MAP4K3: variants seen among roughly 807,000 people sequenced by gnomAD.
The protein encoded by MAP4K3 is mitogen-activated protein kinase kinase kinase kinase 3, also known as MAPK/ERK kinase kinase kinase 3.
In MAP4K3, 94 loss-of-function variants were observed where a neutral mutation model predicts 143.5. The observed-to-expected ratio is 0.65, with a 90% CI of 0.55 to 0.78. The LOEUF (loss-of-function observed/expected upper bound fraction) is 0.78. Among genes scored for constraint, MAP4K3 ranks in the 30% least tolerant of loss-of-function variants. MAP4K3 has a pLI of 0.00. For synonymous variants in MAP4K3, 416 were observed against 347.2 expected (o/e 1.20, Z -2.20); for missense variants, 1,077 against 1,068.1 (o/e 1.01, Z -0.12).
intron 1 of MAP4K3, among the ~76,000 whole-genome samples, chr2:39,423,610 A>G (rs1341600990): frequency 6.6e-6 from 1 of 152,248 alleles, no homozygotes; most frequent in Non-Finnish European, 1.5e-5. Flanking sequence ...ATTGAGCCAC[A>G]AAAAGTTATG....
chr2:39,301,795 C>A (rs148535793), intron 15 of MAP4K3, among the ~76,000 whole-genome samples: 41 of 152,208 alleles, frequency 2.7e-4, no homozygotes, highest in Middle Eastern at 6.8e-3. Context: ...AGGGCCGAGG[C>A]GGGCGGATCA....
chr2:39,257,526 C>A (rs554308779), intron 31 of MAP4K3, among the ~76,000 whole-genome samples: 6 of 152,074 alleles, frequency 3.9e-5, no homozygotes, highest in Non-Finnish European at 8.8e-5. Context: ...CAAGGCCAGG[C>A]GCGGTGGCTC....
intron 31 of MAP4K3, among the ~76,000 whole-genome samples, chr2:39,255,583 T>A (rs1425549989): frequency 6.6e-6 from 1 of 152,248 alleles, no homozygotes; most frequent in Non-Finnish European, 1.5e-5. Flanking sequence ...CACACTACCT[T>A]AATCACTATG....
intron 16 of MAP4K3, among the ~76,000 whole-genome samples, chr2:39,296,095 T>C (rs1432807778): frequency 2.6e-5 from 4 of 152,170 alleles, no homozygotes; most frequent in Non-Finnish European, 5.9e-5. Flanking sequence ...AATAAGTGAA[T>C]ATGAAAAAGC....
chr2:39,416,000 TATATAA>T (rs1427589117), intron 1 of MAP4K3, among the ~76,000 whole-genome samples: 27 of 92,510 alleles, frequency 2.9e-4, no homozygotes, highest in African/African-American at 1.0e-3. Flanking sequence ...TATATATATA[TATATAA>T]AAATAACATT....
chr2:39,299,900 C>A, intron 15 of MAP4K3, 99 bp from the exon 16 acceptor site: 1 of 440,576 alleles, frequency 2.3e-6, no homozygotes, highest in South Asian at 9.5e-5. Context: ...AGATAAGTCC[C>A]AGACCCCCAA....
At chr2:39,283,469 G>C (rs1681627005) in intron 21 of MAP4K3, among the ~76,000 whole-genome samples, 1 of 151,786 alleles carries the variant, frequency 6.6e-6, no homozygotes, top group African/African-American at 2.4e-5. Context: ...TTTTAACTGA[G>C]TTATCTTTTT....
At chr2:39,267,754 G>A (rs1680826174) in intron 26 of MAP4K3, among the ~76,000 whole-genome samples, 1 of 151,110 alleles carries the variant, frequency 6.6e-6, no homozygotes, top group Non-Finnish European at 1.5e-5. Context: ...ATGGGTTAAG[G>A]GTTTAAATAT....
At chr2:39,280,893 T>A (rs1681490683) in intron 22 of MAP4K3, among the ~76,000 whole-genome samples, 1 of 152,188 alleles carries the variant, frequency 6.6e-6, no homozygotes, top group African/African-American at 2.4e-5. Context: ...GCAATCTGAT[T>A]ATTTCCCTGG....
Position 39,268,743 on chromosome 2 carries a change from G to A in MAP4K3, c.1974-1496C>T, listed in dbSNP as rs57103739. 1.8e-3 allele frequency among the ~76,000 whole-genome samples: 246 copies of A among 136,060 alleles called. 6 individuals are homozygous for A. In the East Asian group the frequency reaches 0.028, roughly 15 times the overall value. The allele number at this position is 136,060 out of a possible 152,430, so 89.3% of individuals were successfully genotyped here. On this transcript the variant is annotated intron_variant, in intron 26 of 33. Coordinates refer to ENST00000263881, the MANE Select transcript of MAP4K3 (RefSeq NM_003618.4). Reference sequence around the variant, plus strand: ...CAACCTCTGCCTCCCAGGTTCAAGTGATTCTCCTGCCTCAGCTTCTCAAAT... The same window carrying A: ...CAACCTCTGCCTCCCAGGTTCAAGTAATTCTCCTGCCTCAGCTTCTCAAAT...
At chr2:39,367,479 G>A (rs1176806333) in intron 2 of MAP4K3, among the ~76,000 whole-genome samples, 1 of 152,158 alleles carries the variant, frequency 6.6e-6, no homozygotes, top group Middle Eastern at 3.4e-3. Context: ...GGTTGAGGCT[G>A]CAGTGAGCTG....
At chr2:39,343,480 T>C (rs780122249) in intron 3 of MAP4K3, 28 bp from the exon 4 acceptor site, 4 of 1,592,326 alleles carry the variant, frequency 2.5e-6, no homozygotes, top group Non-Finnish European at 3.4e-6. Context: ...GCATGTATCA[T>C]ATTTTCATGA....
chr2:39,362,982 G>A (rs1390254317), intron 2 of MAP4K3, among the ~76,000 whole-genome samples: 1 of 152,110 alleles, frequency 6.6e-6, no homozygotes, highest in African/African-American at 2.4e-5. Flanking sequence ...GGGAAAAACT[G>A]GATGGCAGCA....
At chr2:39,435,224 TC>T (rs5830565) in intron 1 of MAP4K3, among the ~76,000 whole-genome samples, 118,845 of 152,068 alleles carry the variant, frequency 0.78, 51,769 homozygotes, top group Non-Finnish European at 0.95. Context: ...TCCCAACTGC[TC>T]CATTCCACTC....
chr2:39,357,820 A>G (rs1455856544), intron 2 of MAP4K3, among the ~76,000 whole-genome samples: 1 of 152,244 alleles, frequency 6.6e-6, no homozygotes, highest in African/African-American at 2.4e-5. Context: ...GAAGTTCTGG[A>G]CTTTTAGTTT....
Position 39,250,633 on chromosome 2 carries a change from A to T in MAP4K3, c.2670T>A (p.His890Gln). ...ANSNLYILAG[H>Q]ENSY Reference sequence around the variant, plus strand: ...ACAACAATTCTCAGTAACTGTTTTCATGACCCGCCAGGATGTACAAATTGC... The same window carrying T: ...ACAACAATTCTCAGTAACTGTTTTCTTGACCCGCCAGGATGTACAAATTGC... Residue 890 changes from histidine (H) to glutamine (Q), a missense_variant, in exon 34 of 34, where the codon CAT becomes CAA. Coordinates refer to ENST00000263881, the MANE Select transcript of MAP4K3 (RefSeq NM_003618.4). The T allele has an allele frequency of 1.2e-6, 2 of 1,613,756 alleles. No homozygotes were observed. Among genetic ancestry groups the T allele is most frequent in the Non-Finnish European group, 1.7e-6 (2 of 1,179,742 alleles).
chr2:39,364,847 C>G (rs1299311758), intron 2 of MAP4K3, among the ~76,000 whole-genome samples: 1 of 114,906 alleles, frequency 8.7e-6, no homozygotes, highest in Non-Finnish European at 1.7e-5. Flanking sequence ...GCCTGGGCAA[C>G]AGAGAGAAAC....
intron 2 of MAP4K3, among the ~76,000 whole-genome samples, chr2:39,371,308 T>C (rs995909669): frequency 6.6e-6 from 1 of 152,212 alleles, no homozygotes; most frequent in Admixed American, 6.5e-5. Context: ...GATTGGATTA[T>C]AAAATGAACC....
At chr2:39,286,172 C>T (rs1298650860) in intron 21 of MAP4K3, among the ~76,000 whole-genome samples, 1 of 152,204 alleles carries the variant, frequency 6.6e-6, no homozygotes, top group East Asian at 1.9e-4. Flanking sequence ...GAAACTGTTC[C>T]ACCTCAGATA....
Sources: allele counts gnomAD v4.1 joint callset (sites outside exome capture counted in the v4.1 genomes callset), GRCh38; gene constraint gnomAD v4.1.1; transcripts MANE v1.5; gene names NCBI Gene and HGNC (gene_info 2026-07-23, HGNC 2026-07-21).